Variants in NFIB observed in about 807,000 individuals in gnomAD.
NFIB encodes the protein nuclear factor 1 B-type.
In NFIB, 11 loss-of-function variants were observed where a neutral mutation model predicts 61.5. That is an observed-to-expected ratio of 0.18 (90% CI 0.11 to 0.30). The LOEUF is 0.30. Among genes scored for constraint, NFIB ranks in the 10% least tolerant of loss-of-function variants. NFIB has a pLI of 1.00. For missense variants in NFIB, 471 were observed against 608.9 expected (o/e 0.77, Z 2.38); for synonymous variants, 260 against 216.5 (o/e 1.20, Z -1.76).
chr9:14,123,709 G>C (rs951575123), intron 7 of NFIB, among the ~76,000 whole-genome samples: 1 of 152,056 alleles, frequency 6.6e-6, no homozygotes, highest in Non-Finnish European at 1.5e-5. Flanking sequence ...CTGCCAGTTT[G>C]CCCCTTTTCT....
intron 6 of NFIB, among the ~76,000 whole-genome samples, chr9:14,145,264 C>G (rs554857977): frequency 3.4e-4 from 52 of 152,214 alleles, no homozygotes; most frequent in South Asian, 8.3e-4. Context: ...CTCAAATTTG[C>G]CTCCCCACCT....
At chr9:14,235,368 G>C (rs2053638715) in intron 2 of NFIB, among the ~76,000 whole-genome samples, 1 of 152,190 alleles carries the variant, frequency 6.6e-6, no homozygotes, top group African/African-American at 2.4e-5. Context: ...GTAAAAGCCT[G>C]TGTGAGACCT....
chr9:14,407,487 C>T, the NFIB span, among the ~76,000 whole-genome samples: 6 of 152,168 alleles, frequency 3.9e-5, no homozygotes, highest in East Asian at 1.9e-4. Context: ...ATCAGGTGCA[C>T]GCCTCTGTTC....
intron 1 of NFIB, among the ~76,000 whole-genome samples, chr9:14,376,145 T>C (rs1239095711): frequency 6.6e-6 from 1 of 152,158 alleles, no homozygotes; most frequent in East Asian, 1.9e-4. Flanking sequence ...ACTACAGTCT[T>C]AAACTCCTGG....
intron 1 of NFIB, among the ~76,000 whole-genome samples, chr9:14,346,424 G>C (rs1372202136): frequency 6.6e-6 from 1 of 152,002 alleles, no homozygotes; most frequent in Non-Finnish European, 1.5e-5. Context: ...TCTAGGCTAA[G>C]CGCAGAGCAC....
intron 2 of NFIB, among the ~76,000 whole-genome samples, chr9:14,268,435 A>T (rs926268379): frequency 3.3e-5 from 5 of 151,816 alleles, no homozygotes; most frequent in Non-Finnish European, 7.4e-5. Context: ...AAGTCTAGTC[A>T]CCCTCCCCTG....
chr9:14,428,743 C>A, the NFIB span, among the ~76,000 whole-genome samples: 1 of 152,162 alleles, frequency 6.6e-6, no homozygotes, highest in African/African-American at 2.4e-5. Context: ...TGGATAAAGA[C>A]AACACTGTTG....
intron 2 of NFIB, among the ~76,000 whole-genome samples, chr9:14,304,022 G>C (rs1383598496): frequency 6.6e-6 from 1 of 152,246 alleles, no homozygotes; most frequent in African/African-American, 2.4e-5. Flanking sequence ...TACATGCATA[G>C]TAGCCGAATA....
At chr9:14,268,472 A>G (rs1056684158) in intron 2 of NFIB, among the ~76,000 whole-genome samples, 1 of 152,086 alleles carries the variant, frequency 6.6e-6, no homozygotes, top group East Asian at 1.9e-4. Flanking sequence ...AACTACCAAC[A>G]TGCTTTCCCC....
chr9:14,154,133 T>G (rs557992582), intron 4 of NFIB, among the ~76,000 whole-genome samples: 2 of 152,126 alleles, frequency 1.3e-5, no homozygotes, highest in African/African-American at 4.8e-5. Context: ...ATGTTTGAAA[T>G]TCAGATTTTT....
At chr9:14,314,150 G>A (rs1465566122), upstream of NFIB, 6 of 1,015,092 alleles carry the variant, frequency 5.9e-6, no homozygotes, top group Non-Finnish European at 7.1e-6. Context: ...GCGCGCGGGT[G>A]GCGGGGCGCG....
chr9:14,239,802 C>T (rs940351879), intron 2 of NFIB, among the ~76,000 whole-genome samples: 1 of 152,032 alleles, frequency 6.6e-6, no homozygotes, highest in African/African-American at 2.4e-5. Context: ...TTCTACCCAG[C>T]AGAATAAATT....
intron 2 of NFIB, among the ~76,000 whole-genome samples, chr9:14,223,613 A>C (rs2131853782): frequency 6.6e-6 from 1 of 152,304 alleles, no homozygotes; most frequent in South Asian, 2.1e-4. Context: ...ATCAATCAAA[A>C]GTTAAATTTT....
chr9:14,289,176 T>G (rs945660022), intron 2 of NFIB, among the ~76,000 whole-genome samples: 5 of 148,268 alleles, frequency 3.4e-5, no homozygotes, highest in African/African-American at 1.2e-4. Flanking sequence ...ATATATAATA[T>G]TTACCAAAAT....
chr9:14,325,604 G>A (rs2060742891), intron 1 of NFIB, among the ~76,000 whole-genome samples: 1 of 151,800 alleles, frequency 6.6e-6, no homozygotes, highest in Non-Finnish European at 1.5e-5. Flanking sequence ...TGTTTATTTT[G>A]TCTTACTTTT....
chr9:14,414,952 A>G, the NFIB span, among the ~76,000 whole-genome samples: 3 of 152,170 alleles, frequency 2.0e-5, no homozygotes, highest in Admixed American at 6.5e-5. Context: ...TGACTAATAA[A>G]CCACCACACA....
intron 6 of NFIB, among the ~76,000 whole-genome samples, chr9:14,129,870 GAA>G (rs1293664989): frequency 3.9e-5 from 6 of 152,274 alleles, no homozygotes; most frequent in Admixed American, 2.6e-4. Flanking sequence ...TAAAGCAGCT[GAA>G]AAGAGATGCA....
the NFIB span, among the ~76,000 whole-genome samples, chr9:14,452,488 AAAGGAAAG>A: frequency 3.7e-5 from 3 of 80,216 alleles, no homozygotes; most frequent in African/African-American, 2.0e-4. Context: ...AAAGGAAAGG[AAAGGAAAG>A]GAAAGGAAAG....
At chr9:14,281,015 C>A (rs529619707) in intron 2 of NFIB, among the ~76,000 whole-genome samples, 1 of 152,170 alleles carries the variant, frequency 6.6e-6, no homozygotes, top group East Asian at 1.9e-4. Flanking sequence ...ACAATATGTA[C>A]GGTGAGCCAA....
Sources: allele counts gnomAD v4.1 joint callset (sites outside exome capture counted in the v4.1 genomes callset), GRCh38; gene constraint gnomAD v4.1.1; transcripts MANE v1.5; gene names NCBI Gene and HGNC (gene_info 2026-07-23, HGNC 2026-07-21).